The following RNF166 variants were observed in gnomAD, a reference collection of about 807,000 sequenced individuals.
RNF166 encodes ring finger protein 166.
A neutral mutation model predicts 29.4 loss-of-function variants in RNF166; 19 were observed. That is an observed-to-expected ratio of 0.65 (90% CI 0.45 to 0.95). RNF166 has a LOEUF of 0.95. RNF166 is among the 40% of genes least tolerant of loss of function. RNF166 has a pLI of 0.00. For missense variants in RNF166, 347 were observed against 322.1 expected, an observed-to-expected ratio of 1.08 and a Z score of -0.59; for synonymous variants, 171 against 134.5, an observed-to-expected ratio of 1.27 and a Z score of -1.88.
At chr16:88,700,684 G>A (rs933501223) in intron 2 of RNF166, 7 of 987,524 alleles carry the variant, frequency 7.1e-6, no homozygotes, top group South Asian at 4.6e-5. Flanking sequence ...TCTCCACCCT[G>A]AAGCGGATGT....
In RNF166 at chr16:88,696,534, T is replaced by A. The variant is rs373432163; in HGVS notation, c.*1034A>T. ...GACATTTTATTTAAACTTTTTTTTT[T>A]AAAAAAAAGACAGCAATAATTAATG... On this transcript the variant is annotated 3_prime_UTR_variant, in exon 6 of 6. Transcript: ENST00000312838. The A allele has an allele frequency of 1.3e-4, 48 of 374,406 alleles. No individual in the cohort carries two copies. The highest frequency in any genetic ancestry group is 4.0e-4 in the Middle Eastern group (1 of 2,470). 23.2% of individuals were successfully genotyped at this position (374,406 alleles called of 1,614,324 possible). A position where few individuals can be genotyped will look rare whatever the true frequency, so the allele number is the denominator to read the frequency against.
At chr16:88,705,739 G>A (rs1009367548) in intron 1 of RNF166, among the ~76,000 whole-genome samples, 5 of 152,362 alleles carry the variant, frequency 3.3e-5, no homozygotes, top group Admixed American at 1.3e-4. Context: ...GGCAGACAGC[G>A]GGTCCGAACA....
rs1354756817 is a variant in RNF166 at position 88,697,762 on chromosome 16, C to G, written c.649-129G>C. 7.3e-6 allele frequency: 5 copies of G among 685,726 alleles called. No individual in the cohort carries two copies. The East Asian group carries it at 1.4e-4, about 19-fold the overall frequency. 42.5% of individuals were successfully genotyped at this position (685,726 alleles called of 1,614,324 possible). Reference sequence around the variant, plus strand: ...CCAGCAGGACACAGGAAGGACCCAGCTCCACTGTCCCCACAGGCTCGGGGC... The same window carrying G: ...CCAGCAGGACACAGGAAGGACCCAGGTCCACTGTCCCCACAGGCTCGGGGC... On this transcript the variant is annotated intron_variant, in intron 5 of 5. Transcript: ENST00000312838.
In RNF166 at chr16:88,704,300, G is replaced by C. The variant is rs925960942; in HGVS notation, c.155+1871C>G. ...GAGAACAGCCAGAAAACAAAAGCCA[G>C]CAGGAAAAGTCGGGGAGAAAAATCT... On this transcript the variant is annotated intron_variant, in intron 1 of 5. Transcript: ENST00000312838. 1.4e-5 allele frequency: 14 copies of C among 985,458 alleles called. No homozygotes were observed. The South Asian group carries it at 5.6e-4, about 40-fold the overall frequency. 61.0% of individuals were successfully genotyped at this position (985,458 alleles called of 1,614,324 possible). A position where few individuals can be genotyped will look rare whatever the true frequency, so the allele number is the denominator to read the frequency against.
At chr16:88,700,013 G>T in intron 2 of RNF166, 1 of 256,370 alleles carries the variant, frequency 3.9e-6, no homozygotes. Flanking sequence ...TCTGGCGCCT[G>T]CAGGAGTTCA....
At chr16:88,698,911 T>C in intron 4 of RNF166, 60 bp downstream of exon 4, 1 of 1,311,882 alleles carries the variant, frequency 7.6e-7, no homozygotes, top group East Asian at 2.5e-5. Context: ...TCCTGGGCCT[T>C]GTACTGTCCC....
intron 1 of RNF166, chr16:88,703,227 G>A: frequency 1.0e-6 from 1 of 976,674 alleles, no homozygotes; most frequent in Non-Finnish European, 1.2e-6. Context: ...TTCTGGAGTG[G>A]GAAGAATCTT....
rs1000384739 is a variant in RNF166, at chr16:88,703,797, C to G, written c.155+2374G>C. On this transcript the variant is annotated intron_variant, in intron 1 of 5. Transcript: ENST00000312838. ...CAGGCACCCGGGACTGCCAATGTGT[C>G]TCCCACACTGGCCGCTGCACAAGCT... 3.0e-6 allele frequency: 3 copies of G among 985,332 alleles called. No homozygotes were observed. The African/African-American group carries it at 5.2e-5, about 17-fold the overall frequency. 61.0% of individuals were successfully genotyped at this position (985,332 alleles called of 1,614,324 possible). A position where few individuals can be genotyped will look rare whatever the true frequency, so the allele number is the denominator to read the frequency against.
intron 5 of RNF166, 147 bp downstream of exon 5, chr16:88,698,355 A>T (rs1174321519): frequency 1.3e-6 from 1 of 744,134 alleles, no homozygotes; most frequent in Admixed American, 2.0e-5. Flanking sequence ...GCCCCCACAG[A>T]ACCTGGGGGA....
intron 1 of RNF166, chr16:88,702,927 C>G: frequency 3.0e-6 from 3 of 985,522 alleles, no homozygotes; most frequent in Non-Finnish European, 3.6e-6. Flanking sequence ...TCAGGGGACC[C>G]CCATACTCAG....
intron 1 of RNF166, chr16:88,704,150 C>T (rs561313497): frequency 2.6e-5 from 26 of 985,348 alleles, no homozygotes; most frequent in African/African-American, 7.0e-5. Context: ...GGGGAGCTTG[C>T]GGAGGGGACA....
In RNF166 at chr16:88,699,104, A is replaced by G. The variant is rs1329303454; in HGVS notation, c.426-19T>C. ...GATGTTGCTGGCGGGGCGGGGGTAG[A>G]GTGAGTGGCACGGCTAGGTGTCTAG... On this transcript the variant is annotated intron_variant, in intron 3 of 5. Transcript: ENST00000312838. The G allele has an allele frequency of 6.5e-7, 1 of 1,528,200 alleles. No homozygotes were observed. Among genetic ancestry groups the G allele is most frequent in the Admixed American group, 1.8e-5 (1 of 55,848 alleles). 94.7% of individuals were successfully genotyped at this position (1,528,200 alleles called of 1,614,324 possible).
intron 1 of RNF166, among the ~76,000 whole-genome samples, chr16:88,705,243 T>C (rs534230708): frequency 2.6e-5 from 4 of 152,294 alleles, no homozygotes; most frequent in Admixed American, 2.0e-4. Flanking sequence ...CAGGAGCCCC[T>C]GAAGTCAGCT....
chr16:88,700,383 C>CCTTTCTGGCTG (rs558876994), intron 2 of RNF166, among the ~76,000 whole-genome samples: 61 of 152,190 alleles, frequency 4.0e-4, no homozygotes, highest in South Asian at 8.3e-4. Context: ...CGGTTCTGAT[C>CCTTTCTGGCTG]CTTTCTGGCT....
Position 88,697,229 on chromosome 16 carries a change from G to A in RNF166, c.*339C>T, listed in dbSNP as rs1035476871. On this transcript the variant is annotated 3_prime_UTR_variant, in exon 6 of 6. Transcript: ENST00000312838. ...GGCTCGACTGCGGAGCGCGACTCGC[G>A]CGTCGGTCCCTTCTTCCCACGAGGG... The A allele has an allele frequency of 2.1e-4, 45 of 210,450 alleles. No homozygotes were observed. Among genetic ancestry groups the A allele is most frequent in the Non-Finnish European group, 3.2e-4 (33 of 104,604 alleles). 13.0% of individuals were successfully genotyped at this position (210,450 alleles called of 1,614,324 possible). A position where few individuals can be genotyped will look rare whatever the true frequency, so the allele number is the denominator to read the frequency against.
intron 5 of RNF166, 105 bp downstream of exon 5, chr16:88,698,397 T>C (rs1909846236): frequency 1.1e-6 from 1 of 900,110 alleles, no homozygotes; most frequent in Non-Finnish European, 1.8e-6. Context: ...CTTCTGTTTC[T>C]GGCTTCCTCT....
At chr16:88,703,550 T>TG in intron 1 of RNF166, 1 of 985,210 alleles carries the variant, frequency 1.0e-6, no homozygotes, top group Non-Finnish European at 1.2e-6. Flanking sequence ...ACCCACAGGG[T>TG]GGGTGCTCTA....
chr16:88,698,314 C>G, intron 5 of RNF166, 188 bp downstream of exon 5: 2 of 707,962 alleles, frequency 2.8e-6, no homozygotes, highest in South Asian at 1.5e-5. Context: ...GCCACTCAAA[C>G]TCAGCTGCCA....
At chr16:88,706,010 C>G (rs1048816686) in intron 1 of RNF166, among the ~76,000 whole-genome samples, 161 bp downstream of exon 1, 10 of 151,864 alleles carry the variant, frequency 6.6e-5, no homozygotes, top group Admixed American at 6.6e-4. Flanking sequence ...GCAGAGGCGG[C>G]GCGGCACAGG....
Sources: gnomAD v4.1 joint callset for allele counts (sites outside exome capture counted in the v4.1 genomes callset) on GRCh38, gnomAD v4.1.1 for gene constraint, MANE v1.5 for transcripts, NCBI Gene and HGNC (gene_info 2026-07-23, HGNC 2026-07-21) for gene names.